Variants in PDCD6IP observed in about 807,000 individuals in gnomAD.
The protein encoded by PDCD6IP is programmed cell death 6 interacting protein.
In PDCD6IP, 43 loss-of-function variants were observed where a neutral mutation model predicts 103.7. The ratio of observed to expected loss-of-function variants is 0.41; its 90% CI spans 0.32 to 0.53. PDCD6IP has a LOEUF of 0.53. PDCD6IP is among the 20% of genes least tolerant of loss of function. The pLI is 0.16. For synonymous variants in PDCD6IP, 354 were observed against 378.7 expected (o/e 0.93, Z 0.76); for missense variants, 871 against 1,036.7 (o/e 0.84, Z 2.20).
Position 33,838,312 on chromosome 3 carries a change from C to G in PDCD6IP, c.1166C>G (p.Thr389Ser), listed in dbSNP as rs750687384. The G allele has an allele frequency of 6.8e-6, 11 of 1,612,712 alleles. No homozygotes were observed. In the South Asian group the frequency reaches 1.1e-4, roughly 16 times the overall value. Reference protein sequence around the residue: ...NRSIAQMREATTLANGVLASL... With the variant: ...NRSIAQMREASTLANGVLASL... ...TCAATTGCTCAGATGAGAGAAGCCA[C>G]CACTTTGGCAAATGGGTAGGTAGAG... The change falls in exon 9 of 18, where the codon ACC becomes AGC. Residue 389 changes from threonine to serine, a missense_variant. Physicochemically the swap from Thr to Ser is moderately conservative, Grantham distance 58. Transcript: ENST00000307296.
chr3:33,849,492 GT>G (rs1305162164), intron 12 of PDCD6IP, among the ~76,000 whole-genome samples: 3 of 151,534 alleles, frequency 2.0e-5, no homozygotes, highest in African/African-American at 7.3e-5. Context: ...TTTGTTAGTA[GT>G]TGTGTCCATA....
At chr3:33,830,273 A>G (rs1697218515) in intron 7 of PDCD6IP, among the ~76,000 whole-genome samples, 1 of 152,200 alleles carries the variant, frequency 6.6e-6, no homozygotes, top group Admixed American at 6.6e-5. Context: ...ACTTAGATTT[A>G]TATATAAAAA....
chr3:33,814,531 TTGTAA>T (rs1272006902), intron 3 of PDCD6IP, among the ~76,000 whole-genome samples: 2 of 144,002 alleles, frequency 1.4e-5, no homozygotes, highest in Admixed American at 1.4e-4. Flanking sequence ...TTATATAACA[TTGTAA>T]TGTATATGTG....
chr3:33,800,481 C>T (rs1020655622), intron 1 of PDCD6IP, among the ~76,000 whole-genome samples: 2 of 152,054 alleles, frequency 1.3e-5, no homozygotes, highest in Non-Finnish European at 2.9e-5. Flanking sequence ...AAGATGAGTC[C>T]GGACTGGGGA....
intron 17 of PDCD6IP, 141 bp downstream of exon 17, chr3:33,865,571 A>G: frequency 3.3e-6 from 2 of 610,698 alleles, no homozygotes; most frequent in South Asian, 4.9e-5. Context: ...TCCAGAAATG[A>G]AAATAATGTT....
chr3:33,839,676 G>A (rs1280484700), intron 9 of PDCD6IP, among the ~76,000 whole-genome samples: 1 of 152,146 alleles, frequency 6.6e-6, no homozygotes, highest in African/African-American at 2.4e-5. Flanking sequence ...ATACAAAATT[G>A]CCAGGTTGTT....
At chr3:33,813,452 G>T (rs1696762044) in intron 2 of PDCD6IP, 107 bp from the exon 3 acceptor site, 4 of 694,772 alleles carry the variant, frequency 5.8e-6, no homozygotes, top group Non-Finnish European at 9.9e-6. Context: ...ATAATATTTT[G>T]AGCTTTTGTC....
intron 10 of PDCD6IP, among the ~76,000 whole-genome samples, chr3:33,843,803 CTATT>C (rs907618230): frequency 6.2e-4 from 92 of 149,048 alleles, no homozygotes; most frequent in African/African-American, 2.0e-3. Flanking sequence ...TTTATGGCTT[CTATT>C]TATTTATTTT....
rs1277716903 is a variant in PDCD6IP, at chr3:33,866,955, A to G, written c.*430A>G. The G allele has an allele frequency of 6.5e-6, 1 of 153,286 alleles. No individual in the cohort carries two copies. Among genetic ancestry groups the G allele is most frequent in the African/African-American group, 2.4e-5 (1 of 41,510 alleles). 9.5% of individuals were successfully genotyped at this position (153,286 alleles called of 1,614,324 possible). On this transcript the variant is annotated 3_prime_UTR_variant, in exon 18 of 18. Coordinates refer to ENST00000307296, the MANE Select transcript of PDCD6IP (RefSeq NM_013374.6). ...TTTAATTTCCATTATGCTATTTTGC[A>G]TAATCAAGGCACTGTAAATCTTATA...
chr3:33,807,455 CT>C (rs1309766250), intron 1 of PDCD6IP, among the ~76,000 whole-genome samples: 1 of 152,182 alleles, frequency 6.6e-6, no homozygotes, highest in Non-Finnish European at 1.5e-5. Context: ...GTGGTGCTGC[CT>C]ACACCAGAGT....
At chr3:33,842,604 G>T (rs181761545) in intron 10 of PDCD6IP, among the ~76,000 whole-genome samples, 4 of 151,946 alleles carry the variant, frequency 2.6e-5, no homozygotes, top group African/African-American at 9.6e-5. Context: ...GTTTTCTCTT[G>T]TGTTCAGTTT....
intron 10 of PDCD6IP, among the ~76,000 whole-genome samples, chr3:33,843,584 AG>A (rs1303792401): frequency 6.6e-6 from 1 of 152,228 alleles, no homozygotes; most frequent in Admixed American, 6.5e-5. Context: ...CTAAGCTATC[AG>A]GGATTGTCAT....
rs547767278 is a variant in PDCD6IP, at chr3:33,857,504, A to G, written c.2120+2244A>G. Among the ~76,000 whole-genome samples the G allele has an allele frequency of 1.3e-3, 192 of 152,348 alleles. 1 individual carries two copies. The highest frequency in any genetic ancestry group is 4.5e-3 in the African/African-American group (189 of 41,592). ...TTAGTCTTAATGATAAAAAAACCTA[A>G]CAAAGATTAATACAAAACAGTCTAC... On this transcript the variant is annotated intron_variant, in intron 15 of 17. Coordinates refer to ENST00000307296, the MANE Select transcript of PDCD6IP (RefSeq NM_013374.6).
chr3:33,813,249 C>T (rs1289477914), intron 2 of PDCD6IP: 1 of 193,658 alleles, frequency 5.2e-6, no homozygotes, highest in Admixed American at 5.9e-5. Flanking sequence ...CCTTGCTTCA[C>T]TTAGCTTATT....
intron 7 of PDCD6IP, among the ~76,000 whole-genome samples, chr3:33,832,851 G>C (rs571807752): frequency 6.6e-6 from 1 of 151,898 alleles, no homozygotes; most frequent in South Asian, 2.1e-4. Flanking sequence ...CATTTTCTGG[G>C]TTTTCCTGAC....
chr3:33,808,956 C>T lies in PDCD6IP; in HGVS notation c.210-3116C>T, dbSNP rs539300927. On this transcript the variant is annotated intron_variant, in intron 1 of 17. Coordinates refer to ENST00000307296, the MANE Select transcript of PDCD6IP (RefSeq NM_013374.6). The stretch of plus-strand genomic sequence containing the variant: ...GTACCCTCTTGTCCCAGGGTATTGG[C>T]ACTTGATTTTCCCTAGATTGGAAAT... Among the ~76,000 whole-genome samples the T allele has an allele frequency of 2.3e-4, 35 of 152,304 alleles. No individual in the cohort carries two copies. In the South Asian group the frequency reaches 7.0e-3, roughly 31 times the overall value.
chr3:33,827,318 A>G (rs1305157037), intron 6 of PDCD6IP: 2 of 566,270 alleles, frequency 3.5e-6, no homozygotes, highest in Middle Eastern at 9.0e-4. Context: ...AATTAGTTTC[A>G]TCATATGGTA....
rs776062009 is a variant in PDCD6IP at position 33,864,116 on chromosome 3, C to G, written c.2231C>G (p.Pro744Arg). 1.9e-6 allele frequency: 3 copies of G among 1,587,734 alleles called. No homozygotes were observed. In the South Asian group the frequency reaches 3.3e-5, roughly 18 times the overall value. ...GCACCAACTCCTCCAACTCCAGCGC[C>G]AAGAACCATGCCGGTTAGTAGGCAA... ...GHAPTPPTPA[P>R]RTMPPTKPQP... The change falls in exon 16 of 18, where the codon CCA (proline) becomes CGA (arginine). Residue 744 changes from proline (P) to arginine (R), a missense_variant. Around this residue, in one of 5 missense-constraint regions of PDCD6IP, gnomAD observed 202 missense variants for 205.2 expected, o/e 0.98. Coordinates refer to ENST00000307296, the MANE Select transcript of PDCD6IP (RefSeq NM_013374.6).
At chr3:33,834,732 G>A (rs1314328737) in intron 7 of PDCD6IP, among the ~76,000 whole-genome samples, 2 of 152,060 alleles carry the variant, frequency 1.3e-5, no homozygotes, top group Non-Finnish European at 2.9e-5. Context: ...TTGTATTCTT[G>A]TTATTTTGGT....
Sources: allele counts gnomAD v4.1 joint callset (sites outside exome capture counted in the v4.1 genomes callset), GRCh38; gene constraint gnomAD v4.1.1; regional missense constraint gnomAD v4.1.1; transcripts MANE v1.5; gene names NCBI Gene and HGNC (gene_info 2026-07-23, HGNC 2026-07-21).